Variants in CNTNAP2 observed in about 807,000 individuals in gnomAD.
The protein encoded by CNTNAP2 is contactin-associated protein-like 2.
Under a neutral mutation model 155.2 loss-of-function variants are expected in CNTNAP2, and 98 were observed. The observed-to-expected ratio is 0.63, with a 90% CI of 0.54 to 0.75. The LOEUF (loss-of-function observed/expected upper bound fraction) is 0.75, where lower values mean the gene tolerates loss of function less well. Ranked by LOEUF, CNTNAP2 falls within the 30% of genes least tolerant of loss-of-function variation. The probability of loss-of-function intolerance (pLI) is 0.00; values close to 1 mark genes in which losing one functional copy is unlikely to be tolerated. For synonymous variants in CNTNAP2, 651 were observed against 631.2 expected (o/e 1.03, Z -0.47); for missense variants, 1,727 against 1,688.1 (o/e 1.02, Z -0.40).
intron 3 of CNTNAP2, among the ~76,000 whole-genome samples, chr7:147,000,356 T>C (rs1053180370): frequency 6.6e-6 from 1 of 152,104 alleles, no homozygotes; most frequent in Non-Finnish European, 1.5e-5. Context: ...TCGTGAGGCA[T>C]TTTTCATACA....
chr7:147,878,274 A>C (rs898591163), intron 13 of CNTNAP2, among the ~76,000 whole-genome samples: 1 of 152,074 alleles, frequency 6.6e-6, no homozygotes, highest in African/African-American at 2.4e-5. Context: ...GTAAATGATG[A>C]TGATGATGAT....
chr7:147,566,378 G>T (rs1356814102), intron 12 of CNTNAP2, among the ~76,000 whole-genome samples: 1 of 136,586 alleles, frequency 7.3e-6, no homozygotes, highest in Admixed American at 7.5e-5. Flanking sequence ...GGGAGAAGGG[G>T]GGTGGGGGGA....
chr7:146,386,501 A>T (rs994852721), intron 1 of CNTNAP2, among the ~76,000 whole-genome samples: 1 of 151,930 alleles, frequency 6.6e-6, no homozygotes, highest in East Asian at 1.9e-4. Context: ...TGATTCTCCT[A>T]CCTCAGCCTC....
intron 1 of CNTNAP2, among the ~76,000 whole-genome samples, chr7:146,218,491 AGAGT>A (rs1271945193): frequency 8.5e-5 from 13 of 152,144 alleles, no homozygotes; most frequent in African/African-American, 3.1e-4. Context: ...CCTGGGTGAC[AGAGT>A]GAGACTCTGT....
chr7:147,272,719 G>A (rs999046456), intron 8 of CNTNAP2, among the ~76,000 whole-genome samples: 1 of 149,746 alleles, frequency 6.7e-6, no homozygotes, highest in Non-Finnish European at 1.5e-5. Context: ...GTGTTAGCCA[G>A]GATGCTCTCG....
intron 1 of CNTNAP2, among the ~76,000 whole-genome samples, chr7:146,529,245 G>C (rs985402471): frequency 1.3e-5 from 2 of 151,884 alleles, no homozygotes; most frequent in African/African-American, 4.8e-5. Flanking sequence ...CAATTTTTTT[G>C]TATGTTAACA....
At chr7:147,650,590 C>A (rs1795434754) in intron 13 of CNTNAP2, among the ~76,000 whole-genome samples, 1 of 152,184 alleles carries the variant, frequency 6.6e-6, no homozygotes, top group South Asian at 2.1e-4. Context: ...ATAACATTTT[C>A]TTTTCTCTAG....
At chr7:146,246,410 A>T (rs763720659) in intron 1 of CNTNAP2, among the ~76,000 whole-genome samples, 1 of 150,524 alleles carries the variant, frequency 6.6e-6, no homozygotes, top group Non-Finnish European at 1.5e-5. Context: ...TTAAAAGAGT[A>T]TTGTCTAAGT....
chr7:147,275,958 C>T (rs1035989050), intron 8 of CNTNAP2, among the ~76,000 whole-genome samples: 1 of 151,722 alleles, frequency 6.6e-6, no homozygotes, highest in Non-Finnish European at 1.5e-5. Context: ...TGGTGAATCA[C>T]ATTTACTGGT....
At position 147,393,483 on chromosome 7, in the gene CNTNAP2, C is replaced by CAA. The variant is rs753538177; in HGVS notation, c.1499-2111_1499-2110dup. Among the ~76,000 whole-genome samples, 426 of 89,340 alleles carry CAA rather than the reference C, an allele frequency of 4.8e-3. 2 individuals carry two copies. The highest frequency in any genetic ancestry group is 6.0e-3 in the Non-Finnish European group (242 of 40,640). 58.6% of individuals were successfully genotyped at this position (89,340 alleles called of 152,430 possible). ...GGATATGGTGAGACTCCCAATTATT[C>CAA]AAAAAAAAAAAAAAAACAGAAACAA... On this transcript the variant is annotated intron_variant, in intron 9 of 23. Transcript: ENST00000361727.
At chr7:148,042,377 G>C (rs1228761576) in intron 15 of CNTNAP2, among the ~76,000 whole-genome samples, 1 of 152,210 alleles carries the variant, frequency 6.6e-6, no homozygotes, top group Non-Finnish European at 1.5e-5. Context: ...GGAGGGGGAA[G>C]GGAGGAGTTG....
intron 18 of CNTNAP2, 72 bp from the exon 19 acceptor site, chr7:148,217,216 T>A (rs1285267438): frequency 1.4e-6 from 2 of 1,471,406 alleles, no homozygotes; most frequent in African/African-American, 2.8e-5. Context: ...CATGAACTGC[T>A]GGAGAGGTCA....
chr7:147,656,225 A>G (rs928053023), intron 13 of CNTNAP2, among the ~76,000 whole-genome samples: 2 of 152,246 alleles, frequency 1.3e-5, no homozygotes, highest in South Asian at 2.1e-4. Context: ...CATATCAGCA[A>G]TAAAGCTGTT....
intron 9 of CNTNAP2, among the ~76,000 whole-genome samples, chr7:147,338,886 A>C (rs988351521): frequency 2.6e-5 from 4 of 151,854 alleles, no homozygotes; most frequent in African/African-American, 9.7e-5. Context: ...GGCTGGGGGT[A>C]GGGGGAGCTC....
chr7:147,281,807 A>G (rs1805041345), intron 8 of CNTNAP2, among the ~76,000 whole-genome samples: 1 of 151,860 alleles, frequency 6.6e-6, no homozygotes, highest in African/African-American at 2.4e-5. Flanking sequence ...CTGATTCTTT[A>G]GATAATTGTT....
At chr7:148,337,781 T>C (rs939038796) in intron 21 of CNTNAP2, among the ~76,000 whole-genome samples, 4 of 152,262 alleles carry the variant, frequency 2.6e-5, no homozygotes, top group Non-Finnish European at 4.4e-5. Flanking sequence ...ACTTCTCTGT[T>C]AAATTCTAAG....
intron 1 of CNTNAP2, among the ~76,000 whole-genome samples, chr7:146,449,059 ATTCT>A (rs1584930570): frequency 6.6e-6 from 1 of 152,016 alleles, no homozygotes. Flanking sequence ...CATTGATACC[ATTCT>A]TTCTTCTAAT....
chr7:147,382,150 CA>C (rs991346443), intron 9 of CNTNAP2, among the ~76,000 whole-genome samples: 34 of 151,784 alleles, frequency 2.2e-4, no homozygotes, highest in African/African-American at 8.2e-4. Context: ...TTTGGAAAAC[CA>C]GATCATTAGA....
chr7:147,734,279 G>T (rs1357373452), intron 13 of CNTNAP2, among the ~76,000 whole-genome samples: 9 of 152,070 alleles, frequency 5.9e-5, no homozygotes, highest in Admixed American at 3.3e-4. Context: ...ATAATCATGT[G>T]GTTTTTGTCG....
Sources: gnomAD v4.1 joint callset for allele counts (sites outside exome capture counted in the v4.1 genomes callset) on GRCh38, gnomAD v4.1.1 for gene constraint, MANE v1.5 for transcripts, NCBI Gene and HGNC (gene_info 2026-07-23, HGNC 2026-07-21) for gene names.